The following DOCK2 variants were observed in gnomAD, a reference collection of about 807,000 sequenced individuals.
DOCK2 encodes the protein dedicator of cytokinesis protein 2.
DOCK2 carries 87 observed loss-of-function variants against 248.9 expected under a neutral mutation model. That is an observed-to-expected ratio of 0.35 (90% confidence interval 0.29 to 0.42). The LOEUF (loss-of-function observed/expected upper bound fraction) is 0.42. DOCK2 is among the 10% of genes least tolerant of loss of function. The pLI, the probability that DOCK2 is intolerant of heterozygous loss-of-function variation, is 1.00. For synonymous variants in DOCK2, 805 were observed against 821.6 expected, an observed-to-expected ratio of 0.98 and a Z score of 0.35; for missense variants, 1,747 against 2,300.2, an observed-to-expected ratio of 0.76 and a Z score of 4.92.
At chr5:169,808,186 A>C (rs1170439724) in intron 26 of DOCK2, among the ~76,000 whole-genome samples, 2 of 152,150 alleles carry the variant, frequency 1.3e-5, no homozygotes, top group Non-Finnish European at 2.9e-5. Flanking sequence ...CAACCCATTG[A>C]TGTTCCATGG....
At chr5:169,781,015 T>C (rs138905857) in intron 25 of DOCK2, among the ~76,000 whole-genome samples, 23 of 152,320 alleles carry the variant, frequency 1.5e-4, no homozygotes, top group South Asian at 1.0e-3. Context: ...TTATTCCAGT[T>C]CAGGGTCCTG....
At chr5:169,666,722 A>G (rs1364383070) in intron 2 of DOCK2, among the ~76,000 whole-genome samples, 2 of 152,192 alleles carry the variant, frequency 1.3e-5, no homozygotes, top group Non-Finnish European at 2.9e-5. Context: ...TGCACTAGGC[A>G]TGGGTTTGGA....
intron 26 of DOCK2, among the ~76,000 whole-genome samples, chr5:169,836,619 C>T (rs922665926): frequency 5.3e-5 from 8 of 152,144 alleles, no homozygotes; most frequent in Middle Eastern, 3.2e-3. Context: ...TTCTTGCACA[C>T]TTGCCATAAA....
intron 1 of DOCK2, among the ~76,000 whole-genome samples, chr5:169,642,800 A>G (rs1757221376): frequency 6.6e-6 from 1 of 152,194 alleles, no homozygotes; most frequent in African/African-American, 2.4e-5. Flanking sequence ...CCTGACCATA[A>G]TGTTTGCATT....
chr5:169,935,865 A>G (rs540236260), intron 27 of DOCK2, among the ~76,000 whole-genome samples: 1 of 152,326 alleles, frequency 6.6e-6, no homozygotes, highest in Admixed American at 6.5e-5. Context: ...AATAATTAGG[A>G]ATGGCATTTA....
chr5:169,973,122 A>G (rs1777587678), intron 27 of DOCK2, among the ~76,000 whole-genome samples: 1 of 152,210 alleles, frequency 6.6e-6, no homozygotes, highest in Admixed American at 6.5e-5. Context: ...TTTTATCCAC[A>G]AAGTAATCTT....
At chr5:170,015,531 G>T (rs1755491730) in intron 32 of DOCK2, among the ~76,000 whole-genome samples, 1 of 151,882 alleles carries the variant, frequency 6.6e-6, no homozygotes, top group African/African-American at 2.4e-5. Context: ...GTGGATCTGT[G>T]TTCTGTCTTC....
chr5:169,671,075 T>C lies in DOCK2; in HGVS notation c.225-3T>C, dbSNP rs970802725. Reference sequence around the variant, plus strand: ...ACACCACTTTTTCTCCCACCTTAAATAGAAATACTGAGAACATCATTCCTG... The same window carrying C: ...ACACCACTTTTTCTCCCACCTTAAACAGAAATACTGAGAACATCATTCCTG... On this transcript the variant is annotated splice_region_variant and splice_polypyrimidine_tract_variant and intron_variant, in intron 4 of 51. Coordinates refer to ENST00000520908, the MANE Select transcript of DOCK2 (RefSeq NM_004946.3). 1.9e-6 allele frequency: 3 copies of C among 1,613,256 alleles called. No individual in the cohort carries two copies. The highest frequency in any genetic ancestry group is 8.5e-7 in the Non-Finnish European group (1 of 1,179,638).
chr5:169,696,015 T>G, intron 10 of DOCK2, 77 bp downstream of exon 10: 6 of 1,485,046 alleles, frequency 4.0e-6, no homozygotes, highest in Non-Finnish European at 3.6e-6. Flanking sequence ...GATGATTTGT[T>G]TCCCAACCGC....
chr5:169,658,268 C>A (rs1758231613), intron 2 of DOCK2, among the ~76,000 whole-genome samples: 1 of 151,758 alleles, frequency 6.6e-6, no homozygotes, highest in Non-Finnish European at 1.5e-5. Flanking sequence ...ATCATGAGGT[C>A]AGGAGATCGA....
chr5:169,708,041 A>G, intron 14 of DOCK2, 128 bp from the exon 15 acceptor site: 1 of 833,002 alleles, frequency 1.2e-6, no homozygotes. Context: ...GGCACCTGGC[A>G]TGAGGGCTAG....
chr5:170,081,651 T>G (rs1758036402), intron 50 of DOCK2, 191 bp from the exon 51 acceptor site: 1 of 659,218 alleles, frequency 1.5e-6, no homozygotes, highest in Non-Finnish European at 2.5e-6. Flanking sequence ...TGGGCAATCT[T>G]CACTGCAAGA....
chr5:170,069,057 ATCT>A, intron 45 of DOCK2, 77 bp from the exon 46 acceptor site: 1 of 1,310,524 alleles, frequency 7.6e-7, no homozygotes, highest in Non-Finnish European at 1.1e-6. Flanking sequence ...TTCAAATTGA[ATCT>A]TCTCCCAGTG....
At chr5:169,765,104 C>CACACACA (rs1561674785) in intron 25 of DOCK2, among the ~76,000 whole-genome samples, 7 of 90,702 alleles carry the variant, frequency 7.7e-5, no homozygotes, top group African/African-American at 3.3e-4. Context: ...ACACACACAC[C>CACACACA]CCACACACAG....
At chr5:169,844,992 T>G (rs1033253295) in intron 27 of DOCK2, among the ~76,000 whole-genome samples, 3 of 151,984 alleles carry the variant, frequency 2.0e-5, no homozygotes, top group Admixed American at 1.3e-4. Flanking sequence ...GACTCAGAAA[T>G]GAGTTAGGCA....
At chr5:170,038,973 A>G (rs1445049822) in intron 36 of DOCK2, among the ~76,000 whole-genome samples, 1 of 152,212 alleles carries the variant, frequency 6.6e-6, no homozygotes. Context: ...AACTCTCTAC[A>G]TGGAGGTCAT....
intron 27 of DOCK2, among the ~76,000 whole-genome samples, chr5:169,945,311 C>T (rs1047297516): frequency 3.3e-5 from 5 of 152,324 alleles, no homozygotes; most frequent in African/African-American, 1.2e-4. Flanking sequence ...TGGTAGTTCT[C>T]TTCTCTCCTC....
chr5:169,675,041 G>C (rs1332785572), intron 6 of DOCK2, among the ~76,000 whole-genome samples: 1 of 152,230 alleles, frequency 6.6e-6, no homozygotes, highest in Non-Finnish European at 1.5e-5. Flanking sequence ...GGTGCTAAGT[G>C]TTTTGCAGGC....
In DOCK2 at chr5:169,702,422, C is replaced by G; in HGVS notation, c.1378C>G (p.Leu460Val). 6.2e-7 allele frequency: 1 copy of G among 1,613,710 alleles called. No individual in the cohort carries two copies. Among genetic ancestry groups the G allele is most frequent in the Non-Finnish European group, 8.5e-7 (1 of 1,179,764 alleles). The change falls in exon 14 of 52, where the codon CTG becomes GTG. Residue 460 changes from leucine to valine, a missense_variant. Around this residue, in one of 4 missense-constraint regions of DOCK2, gnomAD observed 858 missense variants for 1,183.5 expected, o/e 0.72. Transcript: ENST00000520908. ...TGTGTGCGCGGAGGATGGCAAAACG[C>G]TGCCTGTAAGGGACTCACTGCTGCT... ...MCVCAEDGKT[L>V]PNAICVGAGD... is the part of the protein sequence containing the mutation.
Sources: gnomAD v4.1 joint callset for allele counts (sites outside exome capture counted in the v4.1 genomes callset) on GRCh38, gnomAD v4.1.1 for gene constraint, gnomAD v4.1.1 regional missense constraint, MANE v1.5 for transcripts, NCBI Gene and HGNC (gene_info 2026-07-23, HGNC 2026-07-21) for gene names.